Variants in SEC24D observed in about 807,000 individuals in gnomAD.
SEC24D encodes the protein SEC24 homolog D, COPII component.
SEC24D carries 69 observed loss-of-function variants against 116.9 expected under a neutral mutation model. The ratio of observed to expected loss-of-function variants is 0.59; its 90% confidence interval spans 0.49 to 0.72. The LOEUF (loss-of-function observed/expected upper bound fraction) is 0.72. Ranked by LOEUF, SEC24D falls within the 30% of genes least tolerant of loss-of-function variation. SEC24D has a pLI of 0.00. For synonymous variants in SEC24D, 405 were observed against 442.8 expected (o/e 0.91, Z 1.07); for missense variants, 1,131 against 1,264.1 (o/e 0.89, Z 1.60).
chr4:118,806,338 T>A (rs940859235), intron 6 of SEC24D, among the ~76,000 whole-genome samples: 11 of 152,180 alleles, frequency 7.2e-5, no homozygotes, highest in Admixed American at 6.5e-4. Context: ...ATTTATTTAT[T>A]TTTTTTCATT....
intron 7 of SEC24D, among the ~76,000 whole-genome samples, chr4:118,804,867 C>G (rs907200981): frequency 6.9e-6 from 1 of 144,658 alleles, no homozygotes; most frequent in Non-Finnish European, 1.5e-5. Context: ...TATAAGCATA[C>G]TTATGTGTAT....
At chr4:118,790,632 A>G (rs1350858776) in intron 8 of SEC24D, among the ~76,000 whole-genome samples, 1 of 152,028 alleles carries the variant, frequency 6.6e-6, no homozygotes, top group Non-Finnish European at 1.5e-5. Context: ...TTAAACAGTG[A>G]CAACATAGAT....
chr4:118,730,289 A>G (rs1725619441), intron 21 of SEC24D: 3 of 152,200 alleles, frequency 2.0e-5, no homozygotes, highest in South Asian at 2.1e-4. Context: ...ACATATGCAG[A>G]TATCAATTTC....
intron 8 of SEC24D, among the ~76,000 whole-genome samples, chr4:118,784,826 T>C (rs1728598957): frequency 7.2e-6 from 1 of 138,862 alleles, no homozygotes; most frequent in Non-Finnish European, 1.5e-5. Flanking sequence ...AGAGAAACAC[T>C]GGAGTGGGGG....
At chr4:118,757,974 T>C (rs1036599713) in intron 10 of SEC24D, 129 bp from the exon 11 acceptor site, 1 of 694,324 alleles carries the variant, frequency 1.4e-6, no homozygotes, top group African/African-American at 1.9e-5. Context: ...ATCTGTGGAA[T>C]TAAATCATTT....
At chr4:118,797,928 A>C in intron 7 of SEC24D, 118 bp from the exon 8 acceptor site, 1 of 745,830 alleles carries the variant, frequency 1.3e-6, no homozygotes, top group African/African-American at 1.7e-5. Context: ...TATTTGTAAA[A>C]CTCTCTTCAT....
At chr4:118,728,804 C>T in intron 21 of SEC24D, 154 bp from the exon 22 acceptor site, 2 of 522,140 alleles carry the variant, frequency 3.8e-6, no homozygotes, top group Non-Finnish European at 6.7e-6. Context: ...GGAAAATGCA[C>T]TAAAAATTAT....
chr4:118,728,257 C>T (rs1725504860), intron 22 of SEC24D, among the ~76,000 whole-genome samples: 1 of 152,138 alleles, frequency 6.6e-6, no homozygotes. Context: ...TAATTTTAGG[C>T]ACCAGAAGAA....
At chr4:118,804,322 C>T (rs1729573241) in intron 7 of SEC24D, among the ~76,000 whole-genome samples, 1 of 152,188 alleles carries the variant, frequency 6.6e-6, no homozygotes. Flanking sequence ...AAAAAACCAT[C>T]CTCAGGCTGT....
chr4:118,723,408 GA>G lies in SEC24D; in HGVS notation c.*106del. ...CCATCTCTTCCTGGAAAGTTATTCT[GA>G]AAATGAGCAAGAAATCAAAACTAGC... On this transcript the variant is annotated 3_prime_UTR_variant, in exon 23 of 23. Transcript: ENST00000280551. 8.3e-7 allele frequency: 1 copy of G among 1,208,274 alleles called. No individual in the cohort carries two copies. The highest frequency in any genetic ancestry group is 1.2e-6 in the Non-Finnish European group (1 of 866,054). 74.8% of individuals were successfully genotyped at this position (1,208,274 alleles called of 1,614,324 possible). A position where few individuals can be genotyped will look rare whatever the true frequency, so the allele number is the denominator to read the frequency against.
chr4:118,823,880 C>T (rs112776240), intron 3 of SEC24D, among the ~76,000 whole-genome samples: 5 of 152,314 alleles, frequency 3.3e-5, no homozygotes, highest in African/African-American at 1.2e-4. Flanking sequence ...ATCAAGCTCA[C>T]AGACCCATTG....
Position 118,774,550 on chromosome 4 carries a change from G to A in SEC24D, c.1042-6239C>T, listed in dbSNP as rs1373766116. Reference sequence around the variant, plus strand: ...TGACTTATGAACAAACTGCAGAGCTGTAGCTTGAATTCTGATTTATTCCAG... The same window carrying A: ...TGACTTATGAACAAACTGCAGAGCTATAGCTTGAATTCTGATTTATTCCAG... On this transcript the variant is annotated intron_variant, in intron 8 of 22. Transcript: ENST00000280551. Among the ~76,000 whole-genome samples, 5 of 152,290 alleles carry A rather than the reference G, an allele frequency of 3.3e-5. No individual in the cohort carries two copies. In the East Asian group the frequency reaches 9.6e-4, roughly 29 times the overall value.
intron 8 of SEC24D, among the ~76,000 whole-genome samples, chr4:118,792,600 C>T (rs573550423): frequency 2.8e-3 from 424 of 152,324 alleles, no homozygotes; most frequent in African/African-American, 6.8e-3. Context: ...TCCCCAACCC[C>T]GTGCTCTCTG....
chr4:118,735,135 A>G (rs565703999), intron 19 of SEC24D, among the ~76,000 whole-genome samples: 2 of 152,362 alleles, frequency 1.3e-5, no homozygotes, highest in African/African-American at 2.4e-5. Context: ...TTGGCCCACA[A>G]TGACACTATT....
At chr4:118,775,187 C>T (rs2110479954) in intron 8 of SEC24D, among the ~76,000 whole-genome samples, 1 of 151,964 alleles carries the variant, frequency 6.6e-6, no homozygotes, top group East Asian at 1.9e-4. Context: ...TTCTCAAATC[C>T]ATGACTCACA....
At chr4:118,833,484 C>T (rs1730962254) in intron 2 of SEC24D, 95 bp downstream of exon 2, 1 of 809,678 alleles carries the variant, frequency 1.2e-6, no homozygotes, top group Non-Finnish European at 2.0e-6. Flanking sequence ...ATATAATGAT[C>T]ATTCAATGCT....
At chr4:118,764,068 T>G (rs1727518249) in intron 10 of SEC24D, among the ~76,000 whole-genome samples, 1 of 152,092 alleles carries the variant, frequency 6.6e-6, no homozygotes, top group East Asian at 1.9e-4. Context: ...CAGATGAACA[T>G]CTGGTATAAA....
chr4:118,725,355 TGA>T (rs1466056994), intron 22 of SEC24D, among the ~76,000 whole-genome samples: 4 of 152,168 alleles, frequency 2.6e-5, no homozygotes, highest in African/African-American at 9.7e-5. Context: ...CTGATGAACC[TGA>T]AGTCAGGATT....
At chr4:118,731,253 AT>A in intron 21 of SEC24D, 62 bp downstream of exon 21, 1 of 1,377,224 alleles carries the variant, frequency 7.3e-7, no homozygotes, top group African/African-American at 1.5e-5. Context: ...CTGCACATAA[AT>A]AAAAACATTT....
Sources: allele counts gnomAD v4.1 joint callset (sites outside exome capture counted in the v4.1 genomes callset), GRCh38; gene constraint gnomAD v4.1.1; transcripts MANE v1.5; gene names NCBI Gene and HGNC (gene_info 2026-07-23, HGNC 2026-07-21).